ZNF398: variants seen among roughly 807,000 people sequenced by gnomAD.
ZNF398 encodes the protein zinc finger protein 398.
ZNF398 carries 18 observed loss-of-function variants against 41.9 expected under a neutral mutation model. The observed-to-expected ratio is 0.43, with a 90% CI of 0.30 to 0.64. The LOEUF is 0.64. Ranked by LOEUF, ZNF398 falls within the 30% of genes least tolerant of loss-of-function variation. ZNF398 has a pLI of 0.14. For missense variants in ZNF398, 669 were observed against 822.8 expected, an observed-to-expected ratio of 0.81 and a Z score of 2.29; for synonymous variants, 260 against 308.8, an observed-to-expected ratio of 0.84 and a Z score of 1.66.
At chr7:149,170,900 A>T (rs767186150) in intron 4 of ZNF398, among the ~76,000 whole-genome samples, 3 of 151,696 alleles carry the variant, frequency 2.0e-5, no homozygotes, top group Non-Finnish European at 4.4e-5. Context: ...CACTAAATTT[A>T]TAGAAACATT....
intron 5 of ZNF398, among the ~76,000 whole-genome samples, chr7:149,178,088 G>GGTT (rs1795500255): frequency 6.6e-6 from 1 of 152,100 alleles, no homozygotes; most frequent in Non-Finnish European, 1.5e-5. Flanking sequence ...TCAGGAGATC[G>GGTT]AGACCATCCT....
At position 149,173,277 on chromosome 7, in the gene ZNF398, T is replaced by C. The variant is rs1795390052; in HGVS notation, c.662-3191T>C. On this transcript the variant is annotated intron_variant, in intron 4 of 5. Coordinates refer to ENST00000475153, the MANE Select transcript of ZNF398 (RefSeq NM_170686.3). ...CTACCACCATGCCTGGCTCATTTTT[T>C]TGTATTTTTAGTAGAGACGGGGTTT... Among the ~76,000 whole-genome samples the C allele has an allele frequency of 2.0e-5, 3 of 151,562 alleles. No homozygotes were observed. In the South Asian group the frequency reaches 6.3e-4, roughly 32 times the overall value.
chr7:149,136,449 G>A (rs2129519409), intron 2 of ZNF398, among the ~76,000 whole-genome samples: 1 of 152,212 alleles, frequency 6.6e-6, no homozygotes, highest in Admixed American at 6.6e-5. Context: ...TCTGTTATCT[G>A]TTTTTATTTA....
rs1795574927 is a variant in ZNF398, at chr7:149,180,919, G to T, written c.*1118G>T. ...CCTATCTGGCTGTATCCCATTGGCA[G>T]TGGACAGATTGAGGAAATTCCTAGA... On this transcript the variant is annotated 3_prime_UTR_variant, in exon 6 of 6. Transcript: ENST00000475153. 6.6e-6 allele frequency: 1 copy of T among 152,364 alleles called. No homozygotes were observed. The highest frequency in any genetic ancestry group is 1.9e-4 in the East Asian group (1 of 5,202). 9.4% of individuals were successfully genotyped at this position (152,364 alleles called of 1,614,324 possible).
intron 2 of ZNF398, among the ~76,000 whole-genome samples, chr7:149,155,791 A>G (rs1322287563): frequency 1.4e-5 from 2 of 140,998 alleles, no homozygotes; most frequent in African/African-American, 5.4e-5. Flanking sequence ...CAGTGGCGCC[A>G]TCTCGGCTCA....
In ZNF398 at chr7:149,181,301, T is replaced by C. The variant is rs1795584749; in HGVS notation, c.*1500T>C. The stretch of plus-strand genomic sequence containing the variant: ...AAGCAGATAAATTCTTGTTGAAACT[T>C]GACTAAAATTTATTTGATTTGTTGT... On this transcript the variant is annotated 3_prime_UTR_variant, in exon 6 of 6. Transcript: ENST00000475153. The C allele has an allele frequency of 6.6e-6, 1 of 152,036 alleles. No homozygotes were observed. The highest frequency in any genetic ancestry group is 1.5e-5 in the Non-Finnish European group (1 of 68,044). 9.4% of individuals were successfully genotyped at this position (152,036 alleles called of 1,614,324 possible). A position where few individuals can be genotyped will look rare whatever the true frequency, so the allele number is the denominator to read the frequency against.
chr7:149,173,813 G>GAC (rs1180607304), intron 4 of ZNF398, among the ~76,000 whole-genome samples: 1 of 91,980 alleles, frequency 1.1e-5, no homozygotes, highest in Non-Finnish European at 2.1e-5. Flanking sequence ...TTTTTTTTGA[G>GAC]ACACAGTTTG....
At position 149,147,864 on chromosome 7, in the gene ZNF398, C is replaced by T. The variant is rs1462207731; in HGVS notation, c.24+98C>T. The T allele has an allele frequency of 2.4e-6, 3 of 1,271,432 alleles. No homozygotes were observed. In the African/African-American group the frequency reaches 4.7e-5, roughly 20 times the overall value. The allele number at this position is 1,271,432 out of a possible 1,614,324, so 78.8% of individuals were successfully genotyped here. On this transcript the variant is annotated intron_variant, in intron 1 of 5. Coordinates refer to ENST00000475153, the MANE Select transcript of ZNF398 (RefSeq NM_170686.3). The surrounding 1 kb of genome is among the most constrained non-coding windows in gnomAD (Gnocchi z 5.6). The stretch of plus-strand genomic sequence containing the variant: ...GGAGCTGCCAGGCATAGGCGCCGTT[C>T]TCGGGTCCCGCCGGCCACGTCGCCT...
At chr7:149,176,438 A>T in intron 4 of ZNF398, 30 bp from the exon 5 acceptor site, 3 of 1,469,986 alleles carry the variant, frequency 2.0e-6, no homozygotes, top group Non-Finnish European at 2.9e-6. Context: ...AAGTTCATGA[A>T]GGCCATTTTT....
At chr7:149,132,786 G>A (rs1432370284) in intron 2 of ZNF398, among the ~76,000 whole-genome samples, 2 of 152,102 alleles carry the variant, frequency 1.3e-5, no homozygotes, top group Non-Finnish European at 2.9e-5. Context: ...AAAAACAGAA[G>A]ATGGAGCCGC....
intron 1 of ZNF398, among the ~76,000 whole-genome samples, chr7:149,149,345 T>G (rs1827052564): frequency 1.3e-5 from 2 of 152,072 alleles, no homozygotes; most frequent in African/African-American, 2.4e-5. Flanking sequence ...GCGATTCTCC[T>G]GCCTCAGCCT....
At chr7:149,166,647 C>T (rs904896790) in intron 3 of ZNF398, among the ~76,000 whole-genome samples, 170 bp from the exon 4 acceptor site, 1 of 152,160 alleles carries the variant, frequency 6.6e-6, no homozygotes, top group Non-Finnish European at 1.5e-5. Context: ...GCCTGCTTTC[C>T]TGAATAGATA....
intron 2 of ZNF398, among the ~76,000 whole-genome samples, chr7:149,162,757 T>C (rs956208315): frequency 1.3e-5 from 2 of 152,066 alleles, no homozygotes; most frequent in African/African-American, 2.4e-5. Flanking sequence ...GTTTCAGAAA[T>C]TAAAATAATT....
intron 2 of ZNF398, among the ~76,000 whole-genome samples, chr7:149,164,198 G>T (rs1795175560): frequency 6.6e-6 from 1 of 151,652 alleles, no homozygotes; most frequent in South Asian, 2.1e-4. Context: ...ACAAGGTCAG[G>T]AGATCGAGAC....
chr7:149,178,602 G>A (rs528697397), intron 5 of ZNF398, 46 bp from the exon 6 acceptor site: 1 of 1,520,034 alleles, frequency 6.6e-7, no homozygotes, highest in Non-Finnish European at 9.0e-7. Context: ...AGAGTTGCTA[G>A]TGAGACAGTT....
At chr7:149,165,861 GT>G (rs1177817296) in intron 2 of ZNF398, among the ~76,000 whole-genome samples, 1 of 152,172 alleles carries the variant, frequency 6.6e-6, no homozygotes, top group African/African-American at 2.4e-5. Context: ...AAAGCTTGAA[GT>G]TTTAACATAC....
chr7:149,173,262 G>C (rs1795389553), intron 4 of ZNF398, among the ~76,000 whole-genome samples: 2 of 151,768 alleles, frequency 1.3e-5, no homozygotes, highest in South Asian at 4.2e-4. Context: ...CTACCACCAT[G>C]CCTGGCTCAT....
Position 149,176,551 on chromosome 7 carries a change from G to C in ZNF398, c.745G>C (p.Glu249Gln). The C allele has an allele frequency of 6.2e-7, 1 of 1,611,470 alleles. No homozygotes were observed. The highest frequency in any genetic ancestry group is 8.5e-7 in the Non-Finnish European group (1 of 1,179,282). Residue 249 changes from glutamate to glutamine, a missense_variant, in exon 5 of 6, where the codon GAG (glutamate) becomes CAG (glutamine). Coordinates refer to ENST00000475153, the MANE Select transcript of ZNF398 (RefSeq NM_170686.3). The part of the protein sequence containing the change: ...PQVGAPPESK[E>Q]SDVYKSTYAD... Reference sequence around the variant, plus strand: ...GGTTGGGGCCCCACCGGAGTCCAAGGAGAGTGACGTGTACAAAAGCACTTA... The same window carrying C: ...GGTTGGGGCCCCACCGGAGTCCAAGCAGAGTGACGTGTACAAAAGCACTTA...
intron 2 of ZNF398, among the ~76,000 whole-genome samples, chr7:149,162,167 G>A (rs1458561690): frequency 6.6e-6 from 1 of 151,934 alleles, no homozygotes; most frequent in Non-Finnish European, 1.5e-5. Flanking sequence ...GACTACAGGT[G>A]TGCATTACCA....
Sources: allele counts gnomAD v4.1 joint callset (sites outside exome capture counted in the v4.1 genomes callset), GRCh38; gene constraint gnomAD v4.1.1; non-coding constraint Gnocchi (gnomAD v3.1); transcripts MANE v1.5; gene names NCBI Gene and HGNC (gene_info 2026-07-23, HGNC 2026-07-21).